Variants in TOP1 observed in about 807,000 individuals in gnomAD.
TOP1 encodes DNA topoisomerase I, also known as DNA topoisomerase 1.
In TOP1, 10 loss-of-function variants were observed where a neutral mutation model predicts 111.1. The ratio of observed to expected loss-of-function variants is 0.09; its 90% CI spans 0.06 to 0.15. The LOEUF (loss-of-function observed/expected upper bound fraction) is 0.15, where lower values mean the gene tolerates loss of function less well. Among genes scored for constraint, TOP1 ranks in the 10% least tolerant of loss-of-function variants. TOP1 has a pLI of 1.00. For missense variants in TOP1, 474 were observed against 926.7 expected, an observed-to-expected ratio of 0.51 and a Z score of 6.34; for synonymous variants, 271 against 302.9, an observed-to-expected ratio of 0.89 and a Z score of 1.10.
In TOP1 at chr20:41,123,198, C is replaced by T. The variant is rs1158029872; in HGVS notation, c.2199C>T (p.Cys733=). The change falls in exon 21 of 21, where the codon TGC becomes TGT. Residue 733 remains cysteine (C), a synonymous_variant. Coordinates refer to ENST00000361337, the MANE Select transcript of TOP1 (RefSeq NM_003286.4). This position sits in a 1 kb window ranked among gnomAD's most constrained non-coding sequence, Gnocchi z 5.8. ...CTTATTTCTCCTTTGTTTGCAGGTGCAAGAAGTGGGGTGTCCCAATTGAGA... is the reference window on the plus strand; with the variant it reads ...CTTATTTCTCCTTTGTTTGCAGGTGTAAGAAGTGGGGTGTCCCAATTGAGA... The part of the protein sequence containing the change: ...YLDPRITVAW[C]KKWGVPIEKI... 3 of 1,613,256 alleles carry T rather than the reference C, an allele frequency of 1.9e-6. No individual in the cohort carries two copies. Among genetic ancestry groups the T allele is most frequent in the African/African-American group, 1.3e-5 (1 of 74,898 alleles).
rs765531564 is a variant in TOP1, at chr20:41,069,555, A to G, written c.156-6616A>G. The stretch of plus-strand genomic sequence containing the variant: ...GTTTTGGTCAAGGGTTGATAACAGT[A>G]CCTGCTTTATCAATCTTTCAAGTTT... On this transcript the variant is annotated intron_variant, in intron 3 of 20. Coordinates refer to ENST00000361337, the MANE Select transcript of TOP1 (RefSeq NM_003286.4). The surrounding 1 kb of genome is among the most constrained non-coding windows in gnomAD (Gnocchi z 4.1). Among the ~76,000 whole-genome samples the G allele has an allele frequency of 6.6e-5, 10 of 152,214 alleles. No homozygotes were observed. Among genetic ancestry groups the G allele is most frequent in the Non-Finnish European group, 1.3e-4 (9 of 68,048 alleles).
intron 3 of TOP1, among the ~76,000 whole-genome samples, chr20:41,065,983 C>T (rs1489008608): frequency 6.6e-6 from 1 of 152,006 alleles, no homozygotes; most frequent in Non-Finnish European, 1.5e-5. Flanking sequence ...AATTAGATAA[C>T]CTTTGACCGT....
intron 3 of TOP1, chr20:41,073,201 T>C: frequency 1.0e-6 from 1 of 985,244 alleles, no homozygotes; most frequent in Non-Finnish European, 1.2e-6. Context: ...ACCTATGTTG[T>C]GATTGCCAAA....
intron 7 of TOP1, among the ~76,000 whole-genome samples, chr20:41,081,718 C>T (rs542179427): frequency 6.6e-6 from 1 of 152,174 alleles, no homozygotes; most frequent in Non-Finnish European, 1.5e-5. Flanking sequence ...CCCAATCTGG[C>T]CCCTGCATCT....
intron 18 of TOP1, among the ~76,000 whole-genome samples, chr20:41,119,262 GTGC>G (rs751340399): frequency 2.2e-4 from 34 of 152,156 alleles, no homozygotes; most frequent in Non-Finnish European, 5.0e-4. Context: ...AAAGTCATAA[GTGC>G]TGCTGCTATT....
intron 2 of TOP1, among the ~76,000 whole-genome samples, chr20:41,042,916 A>G (rs980354768): frequency 6.6e-6 from 1 of 152,244 alleles, no homozygotes; most frequent in African/African-American, 2.4e-5. Flanking sequence ...GTGAAAATGG[A>G]TCATCATAAA....
chr20:41,065,183 G>A (rs1387251758), intron 3 of TOP1, among the ~76,000 whole-genome samples: 4 of 152,178 alleles, frequency 2.6e-5, no homozygotes, highest in African/African-American at 9.7e-5. Flanking sequence ...AGGATTACAG[G>A]TGTGAGCCAC....
chr20:41,090,691 C>CGG (rs35499835), intron 8 of TOP1, among the ~76,000 whole-genome samples: 277 of 151,178 alleles, frequency 1.8e-3, no homozygotes, highest in African/African-American at 6.0e-3. Flanking sequence ...TTAGTAGAGA[C>CGG]GGGGGGGTCT....
rs543628279 is a variant in TOP1, at chr20:41,117,200, A to C, written c.1822+808A>C. On this transcript the variant is annotated intron_variant, in intron 17 of 20. Coordinates refer to ENST00000361337, the MANE Select transcript of TOP1 (RefSeq NM_003286.4). ...GACCTTGTCTCTACTAAAATTTCTA[A>C]AAATTAGGCAGGTGTGGCGGTGTGC... Among the ~76,000 whole-genome samples, 17 of 151,940 alleles carry C rather than the reference A, an allele frequency of 1.1e-4. No homozygotes were observed. The East Asian group carries it at 3.3e-3, about 29-fold the overall frequency.
chr20:41,072,853 C>A (rs922703644), intron 3 of TOP1: 2 of 985,308 alleles, frequency 2.0e-6, no homozygotes, highest in Admixed American at 6.2e-5. Context: ...CATCTGTATT[C>A]AGCTAGTATA....
At chr20:41,111,604 T>TCCC (rs1568703862) in intron 13 of TOP1, among the ~76,000 whole-genome samples, 15 of 90,696 alleles carry the variant, frequency 1.7e-4, no homozygotes, top group East Asian at 1.4e-3. Flanking sequence ...CCCGCCCCCT[T>TCCC]TTTTTTTTTT....
chr20:41,041,626 A>AAG (rs2033266008), intron 2 of TOP1, among the ~76,000 whole-genome samples: 1 of 152,064 alleles, frequency 6.6e-6, no homozygotes, highest in Non-Finnish European at 1.5e-5. Context: ...GATATGCCTA[A>AAG]AAGTCACCTG....
intron 2 of TOP1, among the ~76,000 whole-genome samples, chr20:41,045,796 C>T (rs2033326591): frequency 6.6e-6 from 1 of 152,138 alleles, no homozygotes; most frequent in Non-Finnish European, 1.5e-5. Context: ...AAATAGCACC[C>T]AAGAGGCTAA....
chr20:41,093,101 T>A (rs1050711049), intron 9 of TOP1, among the ~76,000 whole-genome samples: 1 of 152,266 alleles, frequency 6.6e-6, no homozygotes, highest in African/African-American at 2.4e-5. Context: ...GCCTTTGATA[T>A]ATGTGCAATC....
intron 2 of TOP1, among the ~76,000 whole-genome samples, chr20:41,041,886 G>GA (rs1568671918): frequency 2.0e-5 from 3 of 149,556 alleles, no homozygotes; most frequent in African/African-American, 7.5e-5. Flanking sequence ...AGCTTACAGG[G>GA]TGATGATGAT....
rs372445108 is a variant in TOP1 at position 41,116,213 on chromosome 20, C to A, written c.1708-65C>A. 50 of 1,057,308 alleles carry A rather than the reference C, an allele frequency of 4.7e-5. No homozygotes were observed. The highest frequency in any genetic ancestry group is 3.6e-4 in the East Asian group (15 of 41,370). The allele number at this position is 1,057,308 out of a possible 1,614,324, so 65.5% of individuals were successfully genotyped here. ...GTGACTGCACTGGCATAAATTACTC[C>A]TAGGGCTGCCAGAAGGAGCAGGTAG... On this transcript the variant is annotated intron_variant, in intron 16 of 20. Coordinates refer to ENST00000361337, the MANE Select transcript of TOP1 (RefSeq NM_003286.4). This position sits in a 1 kb window ranked among gnomAD's most constrained non-coding sequence, Gnocchi z 5.6.
rs1026599764 is a variant in TOP1 at position 41,058,021 on chromosome 20, A to G, written c.59-3373A>G. Among the ~76,000 whole-genome samples the G allele has an allele frequency of 3.3e-5, 5 of 152,234 alleles. No homozygotes were observed. The highest frequency in any genetic ancestry group is 1.2e-4 in the African/African-American group (5 of 41,444). ...TTATAGACTCGAGGTTTTTAGAAGA[A>G]GCTGAAGGGTTCTGTATGCTGCATG... On this transcript the variant is annotated intron_variant, in intron 2 of 20. Coordinates refer to ENST00000361337, the MANE Select transcript of TOP1 (RefSeq NM_003286.4). The surrounding 1 kb of genome is among the most constrained non-coding windows in gnomAD (Gnocchi z 4.2).
intron 2 of TOP1, among the ~76,000 whole-genome samples, chr20:41,031,105 G>T (rs2033113982): frequency 6.6e-6 from 1 of 152,214 alleles, no homozygotes; most frequent in South Asian, 2.1e-4. Context: ...TGAGCTGGGG[G>T]TTGTGGAAGA....
rs1257917856 is a variant in TOP1, at chr20:41,101,859, C to T, written c.1308+506C>T. On this transcript the variant is annotated intron_variant, in intron 13 of 20. Transcript: ENST00000361337. The surrounding 1 kb of genome is among the most constrained non-coding windows in gnomAD (Gnocchi z 4.1). The stretch of plus-strand genomic sequence containing the variant: ...CTCATCTGGGTAGGTTCACCAGGGC[C>T]AAATGAAATGTGTGTGAAAGCACAT... Among the ~76,000 whole-genome samples the T allele has an allele frequency of 6.6e-6, 1 of 152,162 alleles. No individual in the cohort carries two copies. The highest frequency in any genetic ancestry group is 1.5e-5 in the Non-Finnish European group (1 of 68,018).
Sources: allele counts gnomAD v4.1 joint callset (sites outside exome capture counted in the v4.1 genomes callset), GRCh38; gene constraint gnomAD v4.1.1; non-coding constraint Gnocchi (gnomAD v3.1); transcripts MANE v1.5; gene names NCBI Gene and HGNC (gene_info 2026-07-23, HGNC 2026-07-21).